TCF7L2: variants seen among roughly 807,000 people sequenced by gnomAD.
The protein encoded by TCF7L2 is transcription factor 7 like 2.
Under a neutral mutation model 77.9 loss-of-function variants are expected in TCF7L2, and 23 were observed. The observed-to-expected ratio is 0.30, with a 90% CI of 0.21 to 0.42. The LOEUF (loss-of-function observed/expected upper bound fraction) is 0.42. Ranked by LOEUF, TCF7L2 falls within the 10% of genes least tolerant of loss-of-function variation. The pLI is 1.00. For missense variants in TCF7L2, 654 were observed against 793.1 expected (o/e 0.82, Z 2.11); for synonymous variants, 413 against 340.2 (o/e 1.21, Z -2.36).
chr10:113,110,996 A>T (rs757929134), intron 5 of TCF7L2, among the ~76,000 whole-genome samples: 1 of 151,266 alleles, frequency 6.6e-6, no homozygotes, highest in Non-Finnish European at 1.5e-5. Flanking sequence ...ATAGCTGTTC[A>T]TCTTTAGATG....
chr10:112,955,473 T>C (rs1159875994), intron 3 of TCF7L2, among the ~76,000 whole-genome samples: 1 of 152,206 alleles, frequency 6.6e-6, no homozygotes, highest in Non-Finnish European at 1.5e-5. Context: ...CTTTCCACTT[T>C]GTTGATATTG....
intron 5 of TCF7L2, among the ~76,000 whole-genome samples, chr10:113,057,039 T>C (rs116479397): frequency 0.026 from 3,917 of 152,260 alleles, 191 homozygotes; most frequent in African/African-American, 0.088. Context: ...CAAATGAAGA[T>C]CTTTTTATTT....
intron 4 of TCF7L2, among the ~76,000 whole-genome samples, chr10:112,990,517 G>A (rs4622191): frequency 3.9e-5 from 6 of 151,936 alleles, no homozygotes; most frequent in African/African-American, 1.5e-4. Flanking sequence ...GACCAGCCTA[G>A]ACAACATGGC....
chr10:112,966,899 C>T (rs1165832696), intron 4 of TCF7L2, among the ~76,000 whole-genome samples: 1 of 152,194 alleles, frequency 6.6e-6, no homozygotes, highest in African/African-American at 2.4e-5. Context: ...AGGCTTGATG[C>T]CCATGTGGGC....
At chr10:113,051,239 A>ACACG (rs766670694) in intron 5 of TCF7L2, among the ~76,000 whole-genome samples, 1 of 143,262 alleles carries the variant, frequency 7.0e-6, no homozygotes, top group Non-Finnish European at 1.6e-5. Flanking sequence ...ACACACACAC[A>ACACG]CACAGACACA....
chr10:112,968,511 G>A (rs978166376), intron 4 of TCF7L2, among the ~76,000 whole-genome samples: 19 of 152,004 alleles, frequency 1.2e-4, no homozygotes, highest in Non-Finnish European at 4.4e-5. Context: ...TTATGTTATC[G>A]GTCAGGCTTT....
chr10:113,008,492 C>T (rs759530756), intron 4 of TCF7L2, among the ~76,000 whole-genome samples: 1 of 152,214 alleles, frequency 6.6e-6, no homozygotes, highest in Non-Finnish European at 1.5e-5. Context: ...TGTGGCTTCT[C>T]AAGCATCCCT....
intron 5 of TCF7L2, among the ~76,000 whole-genome samples, chr10:113,041,505 G>T (rs118044777): frequency 0.014 from 2,108 of 152,284 alleles, 27 homozygotes; most frequent in Non-Finnish European, 0.021. Context: ...CTTGGATCCA[G>T]TTCTCTGCTC....
At chr10:113,164,637 C>T (rs2073778477) in intron 13 of TCF7L2, among the ~76,000 whole-genome samples, 1 of 151,758 alleles carries the variant, frequency 6.6e-6, no homozygotes, top group Non-Finnish European at 1.5e-5. Flanking sequence ...TAATTTAATC[C>T]ACAACCTGCA....
chr10:112,959,772 G>A lies in TCF7L2; in HGVS notation c.382-4784G>A, dbSNP rs139118385. Among the ~76,000 whole-genome samples, 17 of 152,244 alleles carry A rather than the reference G, an allele frequency of 1.1e-4. No individual in the cohort carries two copies. The East Asian group carries it at 3.3e-3, about 29-fold the overall frequency. On this transcript the variant is annotated intron_variant, in intron 3 of 13. Transcript: ENST00000627217. ...AAAAGGCTCTCAACACAGGACTGGG[G>A]GCAGTGGGGTAGGGGAAGCTGGGCT...
intron 4 of TCF7L2, among the ~76,000 whole-genome samples, chr10:113,003,116 A>G (rs1487744765): frequency 6.6e-6 from 1 of 152,244 alleles, no homozygotes; most frequent in Non-Finnish European, 1.5e-5. Flanking sequence ...ATTTGTGAAC[A>G]ATGTCTCCAT....
At chr10:113,080,846 A>G (rs189715118) in intron 5 of TCF7L2, among the ~76,000 whole-genome samples, 13 of 152,324 alleles carry the variant, frequency 8.5e-5, no homozygotes, top group African/African-American at 3.1e-4. Context: ...CAGGAAACAT[A>G]TTAGCAGAAA....
At chr10:113,050,888 T>G (rs1464491043) in intron 5 of TCF7L2, among the ~76,000 whole-genome samples, 1 of 152,232 alleles carries the variant, frequency 6.6e-6, no homozygotes, top group Non-Finnish European at 1.5e-5. Context: ...TCTTAAATTA[T>G]GAAGTTGTTT....
At chr10:113,052,615 G>A (rs1485006956) in intron 5 of TCF7L2, among the ~76,000 whole-genome samples, 1 of 152,234 alleles carries the variant, frequency 6.6e-6, no homozygotes, top group African/African-American at 2.4e-5. Context: ...GCTGGACTGT[G>A]GCTCAGCTGG....
chr10:112,966,184 T>TTTTATATATATATA (rs1554876896), intron 4 of TCF7L2, among the ~76,000 whole-genome samples: 7 of 114,232 alleles, frequency 6.1e-5, no homozygotes, highest in African/African-American at 3.3e-4. Flanking sequence ...TAAAATATAT[T>TTTTATATATATATA]TATATATATA....
chr10:113,045,255 A>G (rs2053224920), intron 5 of TCF7L2, among the ~76,000 whole-genome samples: 1 of 152,180 alleles, frequency 6.6e-6, no homozygotes, highest in African/African-American at 2.4e-5. Context: ...AGCGCTTCCT[A>G]TGCGAGGCTT....
chr10:113,026,239 C>T (rs1191139689), intron 4 of TCF7L2, among the ~76,000 whole-genome samples: 6 of 151,978 alleles, frequency 3.9e-5, no homozygotes, highest in Admixed American at 6.6e-5. Context: ...GCAACCTCTG[C>T]CTCCCAGGTT....
At chr10:113,142,740 G>T (rs1474491808) in intron 6 of TCF7L2, among the ~76,000 whole-genome samples, 1 of 152,226 alleles carries the variant, frequency 6.6e-6, no homozygotes, top group Admixed American at 6.5e-5. Context: ...CCAGTGAATG[G>T]CAGCGTCAAC....
intron 5 of TCF7L2, among the ~76,000 whole-genome samples, chr10:113,064,044 A>G (rs2056904112): frequency 6.6e-6 from 1 of 152,034 alleles, no homozygotes; most frequent in Non-Finnish European, 1.5e-5. Context: ...GGAGGCGTTT[A>G]TTGGTATTTG....
Sources: gnomAD v4.1 joint callset for allele counts (sites outside exome capture counted in the v4.1 genomes callset) on GRCh38, gnomAD v4.1.1 for gene constraint, MANE v1.5 for transcripts, NCBI Gene and HGNC (gene_info 2026-07-23, HGNC 2026-07-21) for gene names.